Variants in RASA3 observed in about 807,000 individuals in gnomAD.
RASA3 encodes the protein RAS p21 protein activator 3.
In RASA3, 73 loss-of-function variants were observed where a neutral mutation model predicts 110.0. The ratio of observed to expected loss-of-function variants is 0.66; its 90% CI spans 0.55 to 0.81. The LOEUF is 0.81. Among genes scored for constraint, RASA3 ranks in the 30% least tolerant of loss-of-function variants. The pLI is 0.00. For synonymous variants in RASA3, 500 were observed against 451.4 expected (o/e 1.11, Z -1.37); for missense variants, 976 against 1,113.2 (o/e 0.88, Z 1.75).
intron 23 of RASA3, among the ~76,000 whole-genome samples, chr13:113,981,459 G>A (rs2052931351): frequency 6.6e-6 from 1 of 152,210 alleles, no homozygotes; most frequent in Admixed American, 6.5e-5. Context: ...GGCCTGGAGA[G>A]CAAAGGCAGC....
chr13:114,094,491 G>T (rs956244723), intron 1 of RASA3, among the ~76,000 whole-genome samples: 2 of 152,330 alleles, frequency 1.3e-5, no homozygotes, highest in Admixed American at 1.3e-4. Context: ...TGATTACAAA[G>T]TGTTGAAACT....
chr13:114,029,331 C>T (rs111263144), intron 5 of RASA3, among the ~76,000 whole-genome samples: 1 of 16,638 alleles, frequency 6.0e-5, no homozygotes, highest in Non-Finnish European at 9.8e-5. Context: ...ACCTCTAAAA[C>T]GGCATCATCC....
intron 16 of RASA3, among the ~76,000 whole-genome samples, chr13:114,009,743 C>T (rs2053591780): frequency 6.6e-6 from 1 of 152,246 alleles, no homozygotes; most frequent in Admixed American, 6.5e-5. Context: ...GGCTGTCCCT[C>T]ACACCTGGGT....
intron 18 of RASA3, among the ~76,000 whole-genome samples, chr13:114,005,773 TTC>T (rs1238321399): frequency 1.3e-4 from 13 of 98,308 alleles, no homozygotes; most frequent in African/African-American, 2.2e-4. Flanking sequence ...CACCTTACCC[TTC>T]TCCCCCCTCC....
At chr13:113,991,322 A>G (rs1207246537) in intron 22 of RASA3, among the ~76,000 whole-genome samples, 1 of 152,174 alleles carries the variant, frequency 6.6e-6, no homozygotes, top group Non-Finnish European at 1.5e-5. Flanking sequence ...CTCAGGCAGG[A>G]CTCATGTGTT....
chr13:114,103,877 C>G, intron 1 of RASA3, among the ~76,000 whole-genome samples: 1 of 101,350 alleles, frequency 9.9e-6, no homozygotes, highest in African/African-American at 3.8e-5. Context: ...CACAGACACC[C>G]ACCCCTGATG....
chr13:114,017,175 C>T lies in RASA3; in HGVS notation c.1206+62G>A, dbSNP rs1004796202. The T allele has an allele frequency of 8.8e-6, 13 of 1,469,056 alleles. No homozygotes were observed. The African/African-American group carries it at 1.7e-4, about 19-fold the overall frequency. 91.0% of individuals were successfully genotyped at this position (1,469,056 alleles called of 1,614,324 possible). ...TCTGGCTGGATCCCAGTGCAGTGCC[C>T]TCTGTTGGGGGAAATCCTCCCCACG... On this transcript the variant is annotated intron_variant, in intron 12 of 23. Coordinates refer to ENST00000334062, the MANE Select transcript of RASA3 (RefSeq NM_007368.4).
At position 114,011,040 on chromosome 13, in the gene RASA3, T is replaced by C. The variant is rs569956014; in HGVS notation, c.1590+131A>G. On this transcript the variant is annotated intron_variant, in intron 16 of 23. Coordinates refer to ENST00000334062, the MANE Select transcript of RASA3 (RefSeq NM_007368.4). The surrounding 1 kb of genome is among the most constrained non-coding windows in gnomAD (Gnocchi z 4.8). ...AGGTCCTGGGTTTCAAGAGAGGATG[T>C]GGTGCCGGCTTTGATTCTTGATCTT... 5 of 852,194 alleles carry C rather than the reference T, an allele frequency of 5.9e-6. No individual in the cohort carries two copies. In the South Asian group the frequency reaches 7.6e-5, roughly 13 times the overall value. 52.8% of individuals were successfully genotyped at this position (852,194 alleles called of 1,614,324 possible).
chr13:114,099,431 C>T (rs1341395946), intron 1 of RASA3, among the ~76,000 whole-genome samples: 1 of 151,822 alleles, frequency 6.6e-6, no homozygotes, highest in Non-Finnish European at 1.5e-5. Context: ...GGGCGACTGC[C>T]TCTCCCTTTC....
At chr13:114,063,883 A>C (rs1316154239) in intron 2 of RASA3, among the ~76,000 whole-genome samples, 1 of 152,198 alleles carries the variant, frequency 6.6e-6, no homozygotes, top group Non-Finnish European at 1.5e-5. Context: ...ACCTGCTTAA[A>C]TTTTAAATGT....
chr13:114,064,780 C>T (rs1348232497), intron 2 of RASA3, among the ~76,000 whole-genome samples: 3 of 152,204 alleles, frequency 2.0e-5, no homozygotes, highest in Non-Finnish European at 4.4e-5. Flanking sequence ...TGTCTCCAGC[C>T]GAGGTCAGCA....
chr13:114,046,326 C>CA (rs1022793390), intron 3 of RASA3, among the ~76,000 whole-genome samples: 2 of 152,126 alleles, frequency 1.3e-5, no homozygotes, highest in Non-Finnish European at 2.9e-5. Flanking sequence ...TGGAAGAAAA[C>CA]AGTTTTATGG....
At chr13:113,995,338 C>T (rs1299157538) in intron 21 of RASA3, among the ~76,000 whole-genome samples, 1 of 152,248 alleles carries the variant, frequency 6.6e-6, no homozygotes, top group Non-Finnish European at 1.5e-5. Flanking sequence ...AGCAGCCAGG[C>T]CCCCTTCCTG....
At chr13:114,054,944 G>C (rs2079213306) in intron 2 of RASA3, among the ~76,000 whole-genome samples, 1 of 152,126 alleles carries the variant, frequency 6.6e-6, no homozygotes, top group South Asian at 2.1e-4. Flanking sequence ...GTGCCCACAG[G>C]CATGTGTGTG....
intron 2 of RASA3, 63 bp from the exon 3 acceptor site, chr13:114,052,218 C>T: frequency 8.9e-7 from 1 of 1,118,398 alleles, no homozygotes; most frequent in Admixed American, 1.8e-5. Context: ...ACCCCCGGGG[C>T]ACACACGTGT....
intron 20 of RASA3, among the ~76,000 whole-genome samples, chr13:113,997,737 T>C (rs1305229449): frequency 6.6e-6 from 1 of 152,164 alleles, no homozygotes; most frequent in Non-Finnish European, 1.5e-5. Context: ...AGGGCTCTCA[T>C]GTGGGACTTG....
chr13:113,979,951 G>A (rs1227458818), intron 23 of RASA3, among the ~76,000 whole-genome samples: 2 of 148,754 alleles, frequency 1.3e-5, no homozygotes, highest in Admixed American at 6.7e-5. Flanking sequence ...CTCCTCCCAC[G>A]TGTGTGCACC....
intron 5 of RASA3, among the ~76,000 whole-genome samples, chr13:114,029,457 C>T (rs1468616412): frequency 2.4e-5 from 1 of 42,534 alleles, no homozygotes; most frequent in African/African-American, 2.1e-4. Context: ...ACCTCTAAAA[C>T]GGCGTCATCC....
At chr13:114,010,544 C>A (rs1017744993) in intron 16 of RASA3, among the ~76,000 whole-genome samples, 1 of 149,810 alleles carries the variant, frequency 6.7e-6, no homozygotes, top group Admixed American at 6.7e-5. Flanking sequence ...GGATGGAGGA[C>A]GGAGGTTCAT....
Sources: gnomAD v4.1 joint callset for allele counts (sites outside exome capture counted in the v4.1 genomes callset) on GRCh38, gnomAD v4.1.1 for gene constraint, Gnocchi (gnomAD v3.1) non-coding constraint, MANE v1.5 for transcripts, NCBI Gene and HGNC (gene_info 2026-07-23, HGNC 2026-07-21) for gene names.